FRY: variants seen among roughly 807,000 people sequenced by gnomAD.
The protein encoded by FRY is protein furry homolog.
A neutral mutation model predicts 348.4 loss-of-function variants in FRY; 128 were observed. The ratio of observed to expected loss-of-function variants is 0.37; its 90% CI spans 0.32 to 0.43. The LOEUF (loss-of-function observed/expected upper bound fraction) is 0.43. Ranked by LOEUF, FRY falls within the 20% of genes least tolerant of loss-of-function variation. The pLI is 1.00. For synonymous variants in FRY, 1,370 were observed against 1,374.7 expected, an observed-to-expected ratio of 1.00 and a Z score of 0.08; for missense variants, 2,736 against 3,695.2, an observed-to-expected ratio of 0.74 and a Z score of 6.73.
chr13:32,225,907 C>T lies in FRY; in HGVS notation c.5139C>T (p.Thr1713=), dbSNP rs1885553195. The T allele has an allele frequency of 6.2e-7, 1 of 1,614,122 alleles. No individual in the cohort carries two copies. Among genetic ancestry groups the T allele is most frequent in the East Asian group, 2.2e-5 (1 of 44,880 alleles). ...FHSIASVLLQ[T]REMGEAKTLT... is the part of the protein sequence containing the mutation. ...CCATTGCTTCCGTGCTCCTGCAGAC[C>T]CGAGAGATGGGTGAAGCTAAGACTC... The change falls in exon 39 of 61, where the codon ACC becomes ACT. Residue 1713 remains threonine, a synonymous_variant. Transcript: ENST00000542859.
intron 1 of FRY, among the ~76,000 whole-genome samples, chr13:32,040,665 A>G (rs1277130610): frequency 6.6e-6 from 1 of 152,232 alleles, no homozygotes; most frequent in Non-Finnish European, 1.5e-5. Flanking sequence ...TACTTTTTGC[A>G]GTTAAATCAC....
chr13:32,242,505 T>G (rs1886567878), intron 46 of FRY, among the ~76,000 whole-genome samples: 1 of 152,188 alleles, frequency 6.6e-6, no homozygotes, highest in Non-Finnish European at 1.5e-5. Context: ...CATTATAGAT[T>G]TACATAATTA....
At chr13:32,135,031 A>G in intron 9 of FRY, 35 bp downstream of exon 9, 2 of 1,551,308 alleles carry the variant, frequency 1.3e-6, no homozygotes, top group South Asian at 1.1e-5. Context: ...TTCAAATTGT[A>G]TCACAAAATC....
At position 32,173,513 on chromosome 13, in the gene FRY, A is replaced by G. The variant is rs1268662095; in HGVS notation, c.2298A>G (p.Glu766=). 55 of 1,613,642 alleles carry G rather than the reference A, an allele frequency of 3.4e-5. No homozygotes were observed. In the Admixed American group the frequency reaches 9.2e-4, roughly 27 times the overall value. The change falls in exon 19 of 61, where the codon GAA becomes GAG. Residue 766 remains glutamate (E), a synonymous_variant. Transcript: ENST00000542859. ...TRKLSVLILK[E]IRALFIALGQ... ...AACTGTCCGTTTTAATACTCAAGGA[A>G]ATTCGAGCGTTGTTTATTGCCCTGG...
Position 32,212,394 on chromosome 13 carries a change from A to G in FRY, c.4682+12A>G, listed in dbSNP as rs1359584501. 7.0e-7 allele frequency: 1 copy of G among 1,438,130 alleles called. No individual in the cohort carries two copies. The highest frequency in any genetic ancestry group is 1.4e-5 in the African/African-American group (1 of 71,010). 89.1% of individuals were successfully genotyped at this position (1,438,130 alleles called of 1,614,324 possible). A position where few individuals can be genotyped will look rare whatever the true frequency, so the allele number is the denominator to read the frequency against. On this transcript the variant is annotated intron_variant, in intron 35 of 60. Coordinates refer to ENST00000542859, the MANE Select transcript of FRY (RefSeq NM_023037.3). ...GAATCTGATGAAAGGTTGGTACACA[A>G]ATTTGACTTAATATCCAGTGTAATG... is the stretch of plus-strand genomic sequence containing the variant.
chr13:32,160,586 T>C (rs1382772006), intron 16 of FRY, among the ~76,000 whole-genome samples: 1 of 152,196 alleles, frequency 6.6e-6, no homozygotes, highest in Non-Finnish European at 1.5e-5. Flanking sequence ...GGCCCATCGG[T>C]ATCACTTTAA....
intron 54 of FRY, 45 bp downstream of exon 54, chr13:32,265,661 T>C: frequency 1.3e-6 from 2 of 1,545,096 alleles, no homozygotes; most frequent in South Asian, 1.1e-5. Flanking sequence ...ATGTGCATGG[T>C]ACATTATATG....
chr13:32,216,430 C>T (rs1884991180), intron 35 of FRY, among the ~76,000 whole-genome samples: 1 of 152,192 alleles, frequency 6.6e-6, no homozygotes, highest in Non-Finnish European at 1.5e-5. Context: ...TAAACTCCAC[C>T]CAGCACCCCT....
intron 29 of FRY, among the ~76,000 whole-genome samples, chr13:32,196,141 A>T (rs1883664339): frequency 6.6e-6 from 1 of 152,122 alleles, no homozygotes; most frequent in Non-Finnish European, 1.5e-5. Context: ...GCAACTGAAG[A>T]CCTTATGAAA....
chr13:32,124,436 G>T (rs1169385970), intron 5 of FRY, 60 bp downstream of exon 5: 4 of 1,010,884 alleles, frequency 4.0e-6, no homozygotes, highest in Non-Finnish European at 6.1e-6. Flanking sequence ...AACTACTTAG[G>T]TTGTAAAAGT....
chr13:32,078,512 G>C (rs1875258507), intron 1 of FRY, among the ~76,000 whole-genome samples: 2 of 152,070 alleles, frequency 1.3e-5, no homozygotes, highest in South Asian at 4.1e-4. Flanking sequence ...TGGGACTGCT[G>C]TTTCCGTAGA....
At chr13:32,256,964 G>C (rs1290913569) in intron 51 of FRY, among the ~76,000 whole-genome samples, 2 of 152,096 alleles carry the variant, frequency 1.3e-5, no homozygotes, top group African/African-American at 4.8e-5. Context: ...TCAAAACTTT[G>C]TTTCATGCAC....
chr13:32,190,404 T>C (rs1883270975), intron 28 of FRY, among the ~76,000 whole-genome samples: 1 of 152,082 alleles, frequency 6.6e-6, no homozygotes, highest in Non-Finnish European at 1.5e-5. Flanking sequence ...ATTGTGTGTG[T>C]AGGAAATTCC....
rs1022634407 is a variant in FRY, at chr13:32,299,078, T to A, written c.*3618T>A. On this transcript the variant is annotated 3_prime_UTR_variant, in exon 61 of 61. Coordinates refer to ENST00000542859, the MANE Select transcript of FRY (RefSeq NM_023037.3). The stretch of plus-strand genomic sequence containing the variant: ...AATTGTGTACTTTAAAATGGTAAAT[T>A]TTATGTTATATATGTTTTACCACAA... 9 of 152,232 alleles carry A rather than the reference T, an allele frequency of 5.9e-5. No individual in the cohort carries two copies. The highest frequency in any genetic ancestry group is 1.9e-4 in the African/African-American group (8 of 41,464). 9.4% of individuals were successfully genotyped at this position (152,232 alleles called of 1,614,324 possible). A position where few individuals can be genotyped will look rare whatever the true frequency, so the allele number is the denominator to read the frequency against.
intron 17 of FRY, among the ~76,000 whole-genome samples, chr13:32,170,053 CT>C (rs1388787988): frequency 6.6e-6 from 1 of 152,124 alleles, no homozygotes; most frequent in East Asian, 1.9e-4. Flanking sequence ...AGAGAAATGC[CT>C]GTACCACACC....
At chr13:32,110,200 C>T (rs1877868068) in intron 3 of FRY, among the ~76,000 whole-genome samples, 4 of 152,164 alleles carry the variant, frequency 2.6e-5, no homozygotes, top group Admixed American at 2.6e-4. Context: ...TGATTGGTAG[C>T]ACCTAAATAA....
In FRY at chr13:32,237,484, T is replaced by C; in HGVS notation, c.5916T>C (p.Thr1972=). 6.2e-7 allele frequency: 1 copy of C among 1,614,112 alleles called. No individual in the cohort carries two copies. The highest frequency in any genetic ancestry group is 8.5e-7 in the Non-Finnish European group (1 of 1,180,018). The change falls in exon 44 of 61, where the codon ACT becomes ACC. Residue 1972 remains threonine (T), a synonymous_variant. Coordinates refer to ENST00000542859, the MANE Select transcript of FRY (RefSeq NM_023037.3). The surrounding 1 kb of genome is among the most constrained non-coding windows in gnomAD (Gnocchi z 6.3). The stretch of plus-strand genomic sequence containing the variant: ...GAACCACCAGCGGCAACACCGCAAC[T>C]GCCGAACGGAGCCGGCATCAACGAA... ...NPGTTSGNTA[T]AERSRHQRSF...
At chr13:32,207,782 T>G (rs1884440043) in intron 31 of FRY, among the ~76,000 whole-genome samples, 3 of 152,232 alleles carry the variant, frequency 2.0e-5, no homozygotes, top group African/African-American at 7.2e-5. Flanking sequence ...TTTCAGAAGA[T>G]CCCGTGGATT....
chr13:32,294,774 T>G (rs1456618176), intron 60 of FRY, among the ~76,000 whole-genome samples: 1 of 152,192 alleles, frequency 6.6e-6, no homozygotes, highest in Non-Finnish European at 1.5e-5. Context: ...CCATTTGTCG[T>G]CCCTAAAATG....
Sources: allele counts gnomAD v4.1 joint callset (sites outside exome capture counted in the v4.1 genomes callset), GRCh38; gene constraint gnomAD v4.1.1; non-coding constraint Gnocchi (gnomAD v3.1); transcripts MANE v1.5; gene names NCBI Gene and HGNC (gene_info 2026-07-23, HGNC 2026-07-21).